ARK2N: variants seen among roughly 807,000 people sequenced by gnomAD.
ARK2N encodes the protein protein ARK2N.
the ARK2N span, among the ~76,000 whole-genome samples, chr18:46,255,110 A>G: frequency 3.4e-3 from 521 of 152,360 alleles, no homozygotes; most frequent in Middle Eastern, 0.017. Context: ...TGTCTCTTAT[A>G]TAAAAGACAA....
At chr18:46,254,741 A>G in the ARK2N span, among the ~76,000 whole-genome samples, 59 of 152,210 alleles carry the variant, frequency 3.9e-4, no homozygotes, top group Non-Finnish European at 7.5e-4. Context: ...CCCAAAGCCT[A>G]AGATATGTAC....
chr18:46,239,256 C>G, the ARK2N span, among the ~76,000 whole-genome samples: 2 of 152,108 alleles, frequency 1.3e-5, no homozygotes, highest in African/African-American at 4.8e-5. Flanking sequence ...GGTCCTCTTC[C>G]AGTAAGAACT....
At chr18:46,198,026 G>A in the ARK2N span, among the ~76,000 whole-genome samples, 1 of 152,088 alleles carries the variant, frequency 6.6e-6, no homozygotes, top group Non-Finnish European at 1.5e-5. Context: ...TGTGGGCCAG[G>A]TGTGGTGGCT....
chr18:46,247,630 A>G, the ARK2N span, among the ~76,000 whole-genome samples: 1 of 152,206 alleles, frequency 6.6e-6, no homozygotes, highest in Non-Finnish European at 1.5e-5. Flanking sequence ...TGAGTCTGCC[A>G]CAAGTGGCTT....
At chr18:46,256,194 G>A in the ARK2N span, among the ~76,000 whole-genome samples, 1 of 152,132 alleles carries the variant, frequency 6.6e-6, no homozygotes, top group Non-Finnish European at 1.5e-5. Flanking sequence ...TTGTACTTAT[G>A]TGTTCCTACT....
chr18:46,183,147 A>G, the ARK2N span, among the ~76,000 whole-genome samples: 3 of 151,908 alleles, frequency 2.0e-5, no homozygotes, highest in Non-Finnish European at 2.9e-5. Flanking sequence ...CTCTTATCTC[A>G]TAAATGTGTC....
chr18:46,183,321 TC>T, the ARK2N span, among the ~76,000 whole-genome samples: 2 of 152,242 alleles, frequency 1.3e-5, no homozygotes. Flanking sequence ...AACGTTTTTC[TC>T]TGACCCCTGG....
the ARK2N span, among the ~76,000 whole-genome samples, chr18:46,240,354 G>C: frequency 6.6e-6 from 1 of 152,196 alleles, no homozygotes; most frequent in Non-Finnish European, 1.5e-5. Flanking sequence ...AAACAATTTG[G>C]ATAGCTTGTC....
At chr18:46,255,447 T>TTGC in the ARK2N span, among the ~76,000 whole-genome samples, 1 of 8,866 alleles carries the variant, frequency 1.1e-4, no homozygotes, top group African/African-American at 1.8e-4. Context: ...TTTCTTTTCT[T>TTGC]TTTTTTTTTT....
At chr18:46,181,524 C>T in the ARK2N span, among the ~76,000 whole-genome samples, 6 of 152,102 alleles carry the variant, frequency 3.9e-5, no homozygotes, top group South Asian at 2.1e-4. Flanking sequence ...ACCATCCTGG[C>T]TAACGTGGTG....
chr18:46,246,644 G>GATAAGAGCAGACCCCAGGCCAGGGCCT, the ARK2N span, among the ~76,000 whole-genome samples: 107,366 of 151,106 alleles, frequency 0.71, 38,395 homozygotes, highest in Middle Eastern at 0.76. Context: ...AAGCATTACA[G>GATAAGAGCAGACCCCAGGCCAGGGCCT]ATAAGAGCAG....
At chr18:46,204,664 A>T in the ARK2N span, among the ~76,000 whole-genome samples, 1 of 152,204 alleles carries the variant, frequency 6.6e-6, no homozygotes, top group African/African-American at 2.4e-5. Flanking sequence ...AATATAAAAT[A>T]AATAGATGCA....
the ARK2N span, among the ~76,000 whole-genome samples, chr18:46,210,784 C>T: frequency 6.6e-6 from 1 of 151,948 alleles, no homozygotes; most frequent in African/African-American, 2.4e-5. Flanking sequence ...GTGGCTTGCA[C>T]CTGTAGTCTC....
chr18:46,231,736 C>CT, the ARK2N span: 190 of 140,846 alleles, frequency 1.3e-3, no homozygotes, highest in Middle Eastern at 3.6e-3. Context: ...ATTTTTCTTT[C>CT]TTTTTTTTTT....
At chr18:46,197,204 A>AT in the ARK2N span, among the ~76,000 whole-genome samples, 1 of 152,030 alleles carries the variant, frequency 6.6e-6, no homozygotes, top group Non-Finnish European at 1.5e-5. Context: ...ATTTTTCCAC[A>AT]TGCCAGATAT....
the ARK2N span, among the ~76,000 whole-genome samples, chr18:46,240,595 T>A: frequency 6.6e-6 from 1 of 152,240 alleles, no homozygotes; most frequent in East Asian, 1.9e-4. Context: ...TGGGGCTGGC[T>A]GTTCATACAC....
the ARK2N span, among the ~76,000 whole-genome samples, chr18:46,194,486 T>G: frequency 2.0e-3 from 301 of 151,664 alleles, 2 homozygotes; most frequent in African/African-American, 6.5e-3. Flanking sequence ...TTGTTTGTTT[T>G]TTTTGAGACG....
chr18:46,181,607 G>A, the ARK2N span, among the ~76,000 whole-genome samples: 3 of 152,074 alleles, frequency 2.0e-5, no homozygotes, highest in Non-Finnish European at 4.4e-5. Context: ...CCAGCTACTC[G>A]GGAGGTTTGA....
At chr18:46,250,505 C>CACACACACACACACACACACACACACAT in the ARK2N span, among the ~76,000 whole-genome samples, 1 of 151,446 alleles carries the variant, frequency 6.6e-6, no homozygotes, top group African/African-American at 2.4e-5. Context: ...CACACACACA[C>CACACACACACACACACACACACACACAT]ACACACACAC....
Sources: gnomAD v4.1 joint callset for allele counts (sites outside exome capture counted in the v4.1 genomes callset) on GRCh38, gnomAD v4.1.1 for gene constraint, MANE v1.5 for transcripts, NCBI Gene and HGNC (gene_info 2026-07-23, HGNC 2026-07-21) for gene names.